The following ZMYND11 variants were observed in gnomAD, a reference collection of about 807,000 sequenced individuals.
ZMYND11 encodes zinc finger MYND domain-containing protein 11.
ZMYND11 carries 9 observed loss-of-function variants against 84.9 expected under a neutral mutation model. The ratio of observed to expected loss-of-function variants is 0.11; its 90% confidence interval spans 0.06 to 0.18. ZMYND11 has a LOEUF of 0.18. Ranked by LOEUF, ZMYND11 falls within the 10% of genes least tolerant of loss-of-function variation. The probability of loss-of-function intolerance (pLI) is 1.00; values close to 1 mark genes in which losing one functional copy is unlikely to be tolerated. For missense variants in ZMYND11, 409 were observed against 761.0 expected, an observed-to-expected ratio of 0.54 and a Z score of 5.44; for synonymous variants, 250 against 244.1, an observed-to-expected ratio of 1.02 and a Z score of -0.23.
chr10:237,187 A>G (rs1950134015), intron 5 of ZMYND11, among the ~76,000 whole-genome samples: 1 of 152,216 alleles, frequency 6.6e-6, no homozygotes, highest in African/African-American at 2.4e-5. Context: ...ATTCATCAGA[A>G]TGAACATTTT....
rs1318992982 is a variant in ZMYND11 at position 135,827 on chromosome 10, C to T, written c.-20+268C>T. Among the ~76,000 whole-genome samples the T allele has an allele frequency of 1.3e-5, 2 of 149,800 alleles. No individual in the cohort carries two copies. The highest frequency in any genetic ancestry group is 3.0e-5 in the Non-Finnish European group (2 of 67,192). ...CGCGCCCACTCGCCTTGGGCGGCCGCGGAAGAGGCCCCGGGATGAGGCCCC... is the reference window on the plus strand; with the variant it reads ...CGCGCCCACTCGCCTTGGGCGGCCGTGGAAGAGGCCCCGGGATGAGGCCCC... On this transcript the variant is annotated intron_variant, in intron 1 of 14. Coordinates refer to ENST00000381604, the MANE Select transcript of ZMYND11 (RefSeq NM_001370100.5). The surrounding 1 kb of genome is among the most constrained non-coding windows in gnomAD (Gnocchi z 5.6).
At chr10:195,345 A>G (rs1236415863) in intron 2 of ZMYND11, among the ~76,000 whole-genome samples, 2 of 152,254 alleles carry the variant, frequency 1.3e-5, no homozygotes, top group Admixed American at 6.5e-5. Flanking sequence ...GACTTGATAA[A>G]TATGTGTTTA....
intron 8 of ZMYND11, 58 bp downstream of exon 8, chr10:240,169 GGATTCCACTC>G: frequency 7.2e-7 from 1 of 1,379,408 alleles, no homozygotes; most frequent in Non-Finnish European, 1.0e-6. Flanking sequence ...ATTTATTTCA[GGATTCCACTC>G]TTATCTACAT....
At chr10:231,143 C>T (rs1473423112) in intron 4 of ZMYND11, among the ~76,000 whole-genome samples, 2 of 152,230 alleles carry the variant, frequency 1.3e-5, no homozygotes, top group Non-Finnish European at 2.9e-5. Flanking sequence ...GTCATTACAA[C>T]AGCAGAATTA....
chr10:200,315 T>A (rs1429992858), intron 2 of ZMYND11, among the ~76,000 whole-genome samples: 1 of 10,766 alleles, frequency 9.3e-5, no homozygotes, highest in African/African-American at 1.2e-4. Flanking sequence ...ATATAATATA[T>A]AACATATAAT....
chr10:238,789 A>G (rs1375382022), intron 6 of ZMYND11, among the ~76,000 whole-genome samples: 2 of 152,014 alleles, frequency 1.3e-5, no homozygotes, highest in African/African-American at 4.8e-5. Context: ...TTTACCTCCT[A>G]CCCCCAGCCA....
At chr10:172,937 C>T (rs1243802087) in intron 1 of ZMYND11, among the ~76,000 whole-genome samples, 1 of 151,634 alleles carries the variant, frequency 6.6e-6, no homozygotes, top group African/African-American at 2.4e-5. Context: ...CACATAAATA[C>T]AGTCAGTTCA....
At chr10:227,930 A>G (rs1355643007) in intron 4 of ZMYND11, among the ~76,000 whole-genome samples, 1 of 152,226 alleles carries the variant, frequency 6.6e-6, no homozygotes, top group Admixed American at 6.5e-5. Context: ...AATAGTAGAC[A>G]TAGTATTGAA....
At chr10:241,424 C>T (rs560592689) in intron 9 of ZMYND11, among the ~76,000 whole-genome samples, 28 of 152,294 alleles carry the variant, frequency 1.8e-4, no homozygotes, top group East Asian at 9.6e-4. Context: ...GCAGTCCTCC[C>T]GCCTCGGCCT....
At chr10:167,487 T>G (rs1444764388) in intron 1 of ZMYND11, among the ~76,000 whole-genome samples, 1 of 152,182 alleles carries the variant, frequency 6.6e-6, no homozygotes, top group East Asian at 1.9e-4. Context: ...TAAAAAATTT[T>G]TTAAAAGGTG....
chr10:225,617 G>A (rs1408723796), intron 4 of ZMYND11, among the ~76,000 whole-genome samples: 1 of 152,146 alleles, frequency 6.6e-6, no homozygotes. Flanking sequence ...CAAAGTGCTG[G>A]GATTACAGGC....
intron 1 of ZMYND11, among the ~76,000 whole-genome samples, chr10:139,755 A>G (rs1375654103): frequency 1.7e-5 from 2 of 116,688 alleles, no homozygotes; most frequent in Non-Finnish European, 3.2e-5. Context: ...TCTGTTGCCC[A>G]GGCTGGAGTG....
intron 1 of ZMYND11, among the ~76,000 whole-genome samples, chr10:175,545 G>A (rs1469184914): frequency 6.6e-6 from 1 of 151,780 alleles, no homozygotes; most frequent in East Asian, 1.9e-4. Context: ...CTCCAGCCTG[G>A]GTGACAAGAG....
At chr10:192,156 T>A (rs916409878) in intron 2 of ZMYND11, among the ~76,000 whole-genome samples, 1 of 152,220 alleles carries the variant, frequency 6.6e-6, no homozygotes, top group Admixed American at 6.5e-5. Flanking sequence ...TCACGGTGCC[T>A]GTATGTGTCA....
intron 1 of ZMYND11, among the ~76,000 whole-genome samples, chr10:168,791 G>A (rs914353190): frequency 2.6e-5 from 4 of 152,096 alleles, no homozygotes; most frequent in African/African-American, 7.2e-5. Flanking sequence ...ACAACTTACC[G>A]GAACACAAAC....
At chr10:187,281 A>G (rs1489650613) in intron 2 of ZMYND11, among the ~76,000 whole-genome samples, 3 of 152,178 alleles carry the variant, frequency 2.0e-5, no homozygotes, top group Non-Finnish European at 2.9e-5. Flanking sequence ...CCAAGAAGGT[A>G]GTAGGGAAGG....
chr10:231,185 G>T (rs1304070162), intron 4 of ZMYND11, among the ~76,000 whole-genome samples: 1 of 152,210 alleles, frequency 6.6e-6, no homozygotes, highest in Non-Finnish European at 1.5e-5. Flanking sequence ...CCACATGGTC[G>T]CAAAGCCTAA....
chr10:190,457 C>T (rs1022498054), intron 2 of ZMYND11, among the ~76,000 whole-genome samples: 3 of 152,196 alleles, frequency 2.0e-5, no homozygotes, highest in Admixed American at 6.5e-5. Flanking sequence ...CTGCGTTTCC[C>T]ATGCTCTGCC....
intron 3 of ZMYND11, among the ~76,000 whole-genome samples, chr10:211,977 A>T (rs1023292323): frequency 6.6e-6 from 1 of 152,190 alleles, no homozygotes; most frequent in East Asian, 1.9e-4. Context: ...ATCTTAAAAC[A>T]CTTAGGAATT....
Sources: allele counts gnomAD v4.1 joint callset (sites outside exome capture counted in the v4.1 genomes callset), GRCh38; gene constraint gnomAD v4.1.1; non-coding constraint Gnocchi (gnomAD v3.1); transcripts MANE v1.5; gene names NCBI Gene and HGNC (gene_info 2026-07-23, HGNC 2026-07-21).